The following ATP4A variants were observed in gnomAD, a reference collection of about 807,000 sequenced individuals.
The protein encoded by ATP4A is potassium-transporting ATPase alpha chain 1.
In ATP4A, 73 loss-of-function variants were observed where a neutral mutation model predicts 112.1. The observed-to-expected ratio is 0.65, with a 90% CI of 0.54 to 0.79. The LOEUF is 0.79. ATP4A is among the 30% of genes least tolerant of loss of function. ATP4A has a pLI of 0.00. For synonymous variants in ATP4A, 588 were observed against 588.9 expected, an observed-to-expected ratio of 1.00 and a Z score of 0.02; for missense variants, 1,081 against 1,425.9, an observed-to-expected ratio of 0.76 and a Z score of 3.90.
chr19:35,552,950 C>A, intron 18 of ATP4A, 87 bp downstream of exon 18: 1 of 1,474,814 alleles, frequency 6.8e-7, no homozygotes, highest in Non-Finnish European at 9.1e-7. Flanking sequence ...CTCAGTCACA[C>A]GTGGAGGAAC....
At chr19:35,553,890 T>C (rs2071615905) in intron 16 of ATP4A, 61 bp from the exon 17 acceptor site, 3 of 1,525,378 alleles carry the variant, frequency 2.0e-6, no homozygotes, top group Middle Eastern at 2.1e-4. Flanking sequence ...CCCCTCCACT[T>C]CGGGTCCCCC....
rs1360847109 is a variant in ATP4A, at chr19:35,550,976, C to T, written c.2987+34G>A. 1.9e-6 allele frequency: 3 copies of T among 1,613,026 alleles called. No homozygotes were observed. The highest frequency in any genetic ancestry group is 2.5e-6 in the Non-Finnish European group (3 of 1,179,518). ...CCATCCCAGGCCTGTGCCCTACAGCCCCCTCCCTGTCCTTGCCCCTCACAG... is the reference window on the plus strand; with the variant it reads ...CCATCCCAGGCCTGTGCCCTACAGCTCCCTCCCTGTCCTTGCCCCTCACAG... On this transcript the variant is annotated intron_variant, in intron 20 of 21. Coordinates refer to ENST00000262623, the MANE Select transcript of ATP4A (RefSeq NM_000704.3). The surrounding 1 kb of genome is among the most constrained non-coding windows in gnomAD (Gnocchi z 4.1).
chr19:35,553,772 G>A lies in ATP4A; in HGVS notation c.2539C>T (p.Pro847Ser). 6.2e-7 allele frequency: 1 copy of A among 1,610,684 alleles called. No individual in the cohort carries two copies. Among genetic ancestry groups the A allele is most frequent in the Non-Finnish European group, 8.5e-7 (1 of 1,178,614 alleles). Reference protein sequence around the residue: ...KAESDIMHLRPRNPKRDRLVN... With the variant: ...KAESDIMHLRSRNPKRDRLVN... ...AATCTGTCACGCTTTGGGTTGCGTG[G>A]ACGCAGGTGCATGATGTCACTCTCG... is the stretch of plus-strand genomic sequence containing the variant. The change falls in exon 17 of 22, where the codon CCA (proline) becomes TCA (serine). Residue 847 changes from proline to serine, a missense_variant. This residue lies in a region of ATP4A where 219 missense variants were observed against 320.9 expected (regional missense o/e 0.68). Transcript: ENST00000262623.
At position 35,558,313 on chromosome 19, in the gene ATP4A, GGGGCCCGAGGTGGGC is replaced by G. The variant is rs2071644937; in HGVS notation, c.1500+34_1500+48del. On this transcript the variant is annotated intron_variant, in intron 10 of 21. Transcript: ENST00000262623. This position sits in a 1 kb window ranked among gnomAD's most constrained non-coding sequence, Gnocchi z 5.1. ...CGCTGATGTGGGTGTGGCCTGGGGCGGGGCCCGAGGTGGGCGGGCCCAGGCCGTGGGCGGGGCCGG... is the reference window on the plus strand; with the variant it reads ...CGCTGATGTGGGTGTGGCCTGGGGCGGGGCCCAGGCCGTGGGCGGGGCCGG... The G allele has an allele frequency of 1.3e-6, 2 of 1,566,786 alleles. No individual in the cohort carries two copies. Among genetic ancestry groups the G allele is most frequent in the Admixed American group, 1.9e-5 (1 of 51,768 alleles).
Position 35,557,905 on chromosome 19 carries a change from C to G in ATP4A, c.1501-58G>C. 2.0e-6 allele frequency: 1 copy of G among 507,408 alleles called. No homozygotes were observed. Among genetic ancestry groups the G allele is most frequent in the Non-Finnish European group, 2.6e-6 (1 of 386,298 alleles). The allele number at this position is 507,408 out of a possible 1,614,324, so 31.4% of individuals were successfully genotyped here. A position where few individuals can be genotyped will look rare whatever the true frequency, so the allele number is the denominator to read the frequency against. On this transcript the variant is annotated intron_variant, in intron 10 of 21. Transcript: ENST00000262623. This position sits in a 1 kb window ranked among gnomAD's most constrained non-coding sequence, Gnocchi z 4.4. ...CGGGGGAACGGGGCGGGGCTGTGGACGAGGGAACGGGGCGGGGCTGAGGAG... is the reference window on the plus strand; with the variant it reads ...CGGGGGAACGGGGCGGGGCTGTGGAGGAGGGAACGGGGCGGGGCTGAGGAG...
chr19:35,563,140 C>T, intron 3 of ATP4A, 69 bp downstream of exon 3: 2 of 1,560,958 alleles, frequency 1.3e-6, no homozygotes, highest in Non-Finnish European at 1.8e-6. Flanking sequence ...CTCCATCTCC[C>T]TCCTTCCATC....
In ATP4A at chr19:35,554,968, GGCAGGGGCACGCTGAC is replaced by G; in HGVS notation, c.2419_2434del (p.Val807ProfsTer156). The G allele has an allele frequency of 6.2e-7, 1 of 1,614,144 alleles. No individual in the cohort carries two copies. Among genetic ancestry groups the G allele is most frequent in the Non-Finnish European group, 8.5e-7 (1 of 1,180,026 alleles). ...GAAGAGGATGGTGATGCACCCGAGGGGCAGGGGCACGCTGACGGTGATGTAGATGAGGTAGGGTGTC... is the reference window on the plus strand; with the variant it reads ...GAAGAGGATGGTGATGCACCCGAGGGGGTGATGTAGATGAGGTAGGGTGTC... On this transcript the variant is annotated frameshift_variant, in exon 16 of 22. Transcript: ENST00000262623. LOFTEE classifies it high-confidence loss of function.
rs370121207 is a variant in ATP4A at position 35,550,944 on chromosome 19, G to A, written c.2988-19C>T. 11 of 1,613,896 alleles carry A rather than the reference G, an allele frequency of 6.8e-6. No individual in the cohort carries two copies. Among genetic ancestry groups the A allele is most frequent in the Non-Finnish European group, 9.3e-6 (11 of 1,179,856 alleles). ...CTGGAACCTGAAGGCACATGGCAAGGTGAAGGCCATCCCAGGCCTGTGCCC... is the reference window on the plus strand; with the variant it reads ...CTGGAACCTGAAGGCACATGGCAAGATGAAGGCCATCCCAGGCCTGTGCCC... On this transcript the variant is annotated intron_variant, in intron 20 of 21. Transcript: ENST00000262623. The surrounding 1 kb of genome is among the most constrained non-coding windows in gnomAD (Gnocchi z 4.1).
intron 4 of ATP4A, among the ~76,000 whole-genome samples, chr19:35,561,624 G>T (rs371639914): frequency 1.3e-5 from 2 of 151,940 alleles, no homozygotes; most frequent in Admixed American, 6.6e-5. Flanking sequence ...CATGTCCCTT[G>T]CCCTCATCTC....
rs1328196967 is a variant in ATP4A at position 35,562,007 on chromosome 19, C to T, written c.420+428G>A. ...AGTAACTGGGATTACAGGTGCCCGCCACCATGTCTGGCTAATTTTTGTAAT... is the reference window on the plus strand; with the variant it reads ...AGTAACTGGGATTACAGGTGCCCGCTACCATGTCTGGCTAATTTTTGTAAT... On this transcript the variant is annotated intron_variant, in intron 4 of 21. Transcript: ENST00000262623. Among the ~76,000 whole-genome samples, 2 of 152,046 alleles carry T rather than the reference C, an allele frequency of 1.3e-5. 1 individual carries two copies. The highest frequency in any genetic ancestry group is 6.3e-3 in the Middle Eastern group (2 of 316).
At chr19:35,553,517 GAGCAGGGACAC>G (rs922665507) in intron 17 of ATP4A, among the ~76,000 whole-genome samples, 178 bp downstream of exon 17, 17 of 152,280 alleles carry the variant, frequency 1.1e-4, no homozygotes, top group African/African-American at 4.1e-4. Flanking sequence ...GTCAGAGAGA[GAGCAGGGACAC>G]AGCAGAACCA....
In ATP4A at chr19:35,557,992, G is replaced by A; in HGVS notation, c.1501-145C>T. 1 of 708,058 alleles carries A rather than the reference G, an allele frequency of 1.4e-6. No individual in the cohort carries two copies. The highest frequency in any genetic ancestry group is 2.8e-5 in the East Asian group (1 of 35,256). 43.9% of individuals were successfully genotyped at this position (708,058 alleles called of 1,614,324 possible). On this transcript the variant is annotated intron_variant, in intron 10 of 21. Coordinates refer to ENST00000262623, the MANE Select transcript of ATP4A (RefSeq NM_000704.3). This position sits in a 1 kb window ranked among gnomAD's most constrained non-coding sequence, Gnocchi z 4.4. ...GCTGCGGGGAAGGGTGAAGGTGGAA[G>A]ATGGAGGCCTTGTGTGGAGGGGTCC...
intron 16 of ATP4A, among the ~76,000 whole-genome samples, chr19:35,554,377 G>C (rs1437986521): frequency 6.6e-6 from 1 of 152,000 alleles, no homozygotes; most frequent in Admixed American, 6.5e-5. Flanking sequence ...AGTAAAGTAC[G>C]GGTGATAGTA....
intron 4 of ATP4A, 104 bp downstream of exon 4, chr19:35,562,331 G>C: frequency 7.4e-7 from 1 of 1,355,088 alleles, no homozygotes; most frequent in Non-Finnish European, 1.0e-6. Context: ...TTTCGTGTTC[G>C]TCTATCCCCA....
intron 17 of ATP4A, 63 bp downstream of exon 17, chr19:35,553,643 G>A: frequency 5.0e-6 from 8 of 1,585,606 alleles, no homozygotes; most frequent in Non-Finnish European, 6.9e-6. Context: ...CAGGGCCTGG[G>A]GCAGGCGAGC....
rs1406368758 is a variant in ATP4A at position 35,555,331 on chromosome 19, C to A, written c.2161G>T (p.Ala721Ser). The A allele has an allele frequency of 6.2e-7, 1 of 1,613,004 alleles. No individual in the cohort carries two copies. Among genetic ancestry groups the A allele is most frequent in the South Asian group, 1.1e-5 (1 of 90,922 alleles). ...VIVESCQRLG[A>S]IVAVTGDGVN... is the part of the protein sequence containing the mutation. ...CCATCCCCCGTGACGGCCACAATCGCACCCTGCAGGCAGTGGGTGCAGGTG... is the reference window on the plus strand; with the variant it reads ...CCATCCCCCGTGACGGCCACAATCGAACCCTGCAGGCAGTGGGTGCAGGTG... The change falls in exon 15 of 22, where the codon GCG becomes TCG. Residue 721 changes from alanine (A) to serine (S), a missense_variant. Physicochemically the swap from Ala to Ser is moderately conservative, Grantham distance 99 (BLOSUM62 1). Coordinates refer to ENST00000262623, the MANE Select transcript of ATP4A (RefSeq NM_000704.3). This position sits in a 1 kb window ranked among gnomAD's most constrained non-coding sequence, Gnocchi z 6.6.
At position 35,550,729 on chromosome 19, in the gene ATP4A, A is replaced by C. The variant is rs1044505486; in HGVS notation, c.3080-86T>G. 6.2e-7 allele frequency: 1 copy of C among 1,608,886 alleles called. No homozygotes were observed. The highest frequency in any genetic ancestry group is 1.3e-5 in the African/African-American group (1 of 74,796). The stretch of plus-strand genomic sequence containing the variant: ...GGCTCAGAGGTCAGTGCTGGTTGCT[A>C]TGGAGGGTCAAGGGCTTAGAGGCCA... On this transcript the variant is annotated intron_variant, in intron 21 of 21. Coordinates refer to ENST00000262623, the MANE Select transcript of ATP4A (RefSeq NM_000704.3). This position sits in a 1 kb window ranked among gnomAD's most constrained non-coding sequence, Gnocchi z 4.1.
chr19:35,553,555 CAGAG>C lies in ATP4A; in HGVS notation c.2605+147_2605+150del, dbSNP rs1199260908. The C allele has an allele frequency of 4.0e-5, 48 of 1,209,270 alleles. No individual in the cohort carries two copies. In the East Asian group the frequency reaches 7.2e-4, roughly 18 times the overall value. 74.9% of individuals were successfully genotyped at this position (1,209,270 alleles called of 1,614,324 possible). ...GCAGAACCAGAGAGACTGTCACAAA[CAGAG>C]AGGGACACGGAGGACAACGGAGACC... is the stretch of plus-strand genomic sequence containing the variant. On this transcript the variant is annotated intron_variant, in intron 17 of 21. Transcript: ENST00000262623.
rs1300744605 is a variant in ATP4A at position 35,557,883 on chromosome 19, G to C, written c.1501-36C>G. 2 of 1,177,848 alleles carry C rather than the reference G, an allele frequency of 1.7e-6. No homozygotes were observed. Among genetic ancestry groups the C allele is most frequent in the South Asian group, 3.3e-5 (2 of 59,834 alleles). 73.0% of individuals were successfully genotyped at this position (1,177,848 alleles called of 1,614,324 possible). A position where few individuals can be genotyped will look rare whatever the true frequency, so the allele number is the denominator to read the frequency against. On this transcript the variant is annotated intron_variant, in intron 10 of 21. Transcript: ENST00000262623. This position sits in a 1 kb window ranked among gnomAD's most constrained non-coding sequence, Gnocchi z 4.4. The stretch of plus-strand genomic sequence containing the variant: ...GGGGGAGAGGCGAGGCTGTGGACGG[G>C]GGAACGGGGCGGGGCTGTGGACGAG...
Sources: allele counts gnomAD v4.1 joint callset (sites outside exome capture counted in the v4.1 genomes callset), GRCh38; gene constraint gnomAD v4.1.1; regional missense constraint gnomAD v4.1.1; non-coding constraint Gnocchi (gnomAD v3.1); transcripts MANE v1.5; gene names NCBI Gene and HGNC (gene_info 2026-07-23, HGNC 2026-07-21).